SUGCT: variants seen among roughly 807,000 people sequenced by gnomAD.
The protein encoded by SUGCT is succinyl-CoA:glutarate CoA-transferase.
A neutral mutation model predicts 55.0 loss-of-function variants in SUGCT; 41 were observed. The observed-to-expected ratio is 0.74, with a 90% CI of 0.58 to 0.97. The LOEUF is 0.97. Ranked by LOEUF, SUGCT falls within the 50% of genes least tolerant of loss-of-function variation. The pLI, the probability that SUGCT is intolerant of heterozygous loss-of-function variation, is 0.00. For synonymous variants in SUGCT, 187 were observed against 200.4 expected (o/e 0.93, Z 0.56); for missense variants, 568 against 547.8 (o/e 1.04, Z -0.37).
At chr7:40,255,025 G>A (rs894056715) in intron 7 of SUGCT, among the ~76,000 whole-genome samples, 3 of 150,938 alleles carry the variant, frequency 2.0e-5, no homozygotes, top group African/African-American at 2.4e-5. Flanking sequence ...TCGGGAGTTC[G>A]AGACCAGCCT....
intron 1 of SUGCT, among the ~76,000 whole-genome samples, chr7:40,164,803 TGA>T (rs1275884510): frequency 6.6e-6 from 1 of 152,230 alleles, no homozygotes; most frequent in Non-Finnish European, 1.5e-5. Flanking sequence ...GAAGCCTCCT[TGA>T]GTCCATGAAG....
Position 40,762,373 on chromosome 7 carries a change from T to C in SUGCT, c.1153+12876T>C, listed in dbSNP as rs1225689284. 2.6e-5 allele frequency among the ~76,000 whole-genome samples: 4 copies of C among 152,158 alleles called. No homozygotes were observed. The East Asian group carries it at 7.7e-4, about 29-fold the overall frequency. ...AAGGGGTAGGTTTTAAGTAGCAAGA[T>C]GTGGGGAATTTAAGATGTATGACTA... is the stretch of plus-strand genomic sequence containing the variant. On this transcript the variant is annotated intron_variant, in intron 13 of 13. Coordinates refer to ENST00000335693, the MANE Select transcript of SUGCT (RefSeq NM_001193313.2).
At chr7:40,348,123 G>A (rs545241824) in intron 9 of SUGCT, among the ~76,000 whole-genome samples, 4 of 152,326 alleles carry the variant, frequency 2.6e-5, no homozygotes, top group East Asian at 3.9e-4. Context: ...CGGGGGTTGC[G>A]GGGAGACAGC....
chr7:40,659,069 T>C (rs1167862306), intron 12 of SUGCT, among the ~76,000 whole-genome samples: 1 of 152,158 alleles, frequency 6.6e-6, no homozygotes, highest in Non-Finnish European at 1.5e-5. Flanking sequence ...TAGTCTCTGC[T>C]TATGAATGCA....
intron 12 of SUGCT, chr7:40,499,106 C>T: frequency 8.8e-6 from 4 of 456,698 alleles, no homozygotes; most frequent in Non-Finnish European, 1.8e-5. Flanking sequence ...TGTGGGAACG[C>T]ACCACTGGCG....
chr7:40,419,620 C>T (rs775076380), intron 9 of SUGCT, among the ~76,000 whole-genome samples: 4 of 152,230 alleles, frequency 2.6e-5, no homozygotes, highest in Middle Eastern at 3.4e-3. Flanking sequence ...CGTTCAAGAG[C>T]GTGCTCATCT....
intron 9 of SUGCT, among the ~76,000 whole-genome samples, chr7:40,341,496 G>A (rs1247357418): frequency 2.0e-5 from 3 of 152,138 alleles, no homozygotes; most frequent in Non-Finnish European, 4.4e-5. Flanking sequence ...ATTTCTGCTG[G>A]GCCTCTTTAT....
chr7:40,900,298 G>A, the SUGCT span, among the ~76,000 whole-genome samples: 1 of 152,224 alleles, frequency 6.6e-6, no homozygotes, highest in Non-Finnish European at 1.5e-5. Flanking sequence ...GCATGACCAA[G>A]ATTTTGAATT....
intron 11 of SUGCT, among the ~76,000 whole-genome samples, chr7:40,471,055 C>T (rs1790377809): frequency 6.6e-6 from 1 of 152,056 alleles, no homozygotes; most frequent in East Asian, 1.9e-4. Context: ...AGGATTGGCC[C>T]TTTTTGGTGG....
At chr7:40,620,333 T>G (rs1799205473) in intron 12 of SUGCT, among the ~76,000 whole-genome samples, 1 of 152,222 alleles carries the variant, frequency 6.6e-6, no homozygotes, top group African/African-American at 2.4e-5. Context: ...CTCAAGATAT[T>G]TAGCCTCATT....
At chr7:40,480,144 G>A (rs1003700402) in intron 11 of SUGCT, among the ~76,000 whole-genome samples, 8 of 151,924 alleles carry the variant, frequency 5.3e-5, no homozygotes, top group African/African-American at 9.7e-5. Flanking sequence ...TAGTTATATC[G>A]TTTTATGTCT....
chr7:40,952,844 C>T, the SUGCT span, among the ~76,000 whole-genome samples: 1 of 152,184 alleles, frequency 6.6e-6, no homozygotes, highest in Non-Finnish European at 1.5e-5. Context: ...ATGGGCTTCC[C>T]TTTGTGGGTA....
chr7:40,696,819 C>T (rs191620002), intron 12 of SUGCT, among the ~76,000 whole-genome samples: 272 of 152,132 alleles, frequency 1.8e-3, no homozygotes, highest in South Asian at 1.0e-2. Context: ...ATAATTAACA[C>T]GAGAGATTTC....
At chr7:40,693,875 A>G (rs1182974004) in intron 12 of SUGCT, among the ~76,000 whole-genome samples, 4 of 152,198 alleles carry the variant, frequency 2.6e-5, no homozygotes, top group Non-Finnish European at 5.9e-5. Flanking sequence ...TCAATCACTA[A>G]TTTAAAACAA....
chr7:40,218,910 GCC>G (rs1787844493), intron 6 of SUGCT, among the ~76,000 whole-genome samples: 5 of 152,164 alleles, frequency 3.3e-5, no homozygotes, highest in Admixed American at 3.3e-4. Context: ...ATAAAAGCTG[GCC>G]ACCCGAGCCA....
chr7:40,782,570 T>A (rs1332728381), intron 13 of SUGCT: 1 of 152,182 alleles, frequency 6.6e-6, no homozygotes, highest in Non-Finnish European at 1.5e-5. Flanking sequence ...CACATTTAGG[T>A]CATTGTCTTT....
chr7:40,258,311 T>C (rs973320113), intron 7 of SUGCT, among the ~76,000 whole-genome samples: 6 of 152,218 alleles, frequency 3.9e-5, no homozygotes, highest in Non-Finnish European at 1.5e-5. Context: ...CGTTCTGTCA[T>C]TTGGTGTAAC....
At chr7:40,179,347 G>T (rs570108615) in intron 1 of SUGCT, among the ~76,000 whole-genome samples, 1 of 151,726 alleles carries the variant, frequency 6.6e-6, no homozygotes, top group East Asian at 1.9e-4. Flanking sequence ...AGGCTGGAGT[G>T]CAATGGCGCC....
Position 40,454,944 on chromosome 7 carries a change from A to G in SUGCT, c.889-4157A>G, listed in dbSNP as rs1583720814. On this transcript the variant is annotated intron_variant, in intron 10 of 13. Transcript: ENST00000335693. ...TGAAGGAAAAGTAACGTAAATAGTA[A>G]ATATCTGGGTGAATATAATGGTCTA... is the stretch of plus-strand genomic sequence containing the variant. Among the ~76,000 whole-genome samples the G allele has an allele frequency of 3.3e-5, 5 of 152,288 alleles. No individual in the cohort carries two copies. The South Asian group carries it at 6.2e-4, about 19-fold the overall frequency.
Sources: allele counts gnomAD v4.1 joint callset (sites outside exome capture counted in the v4.1 genomes callset), GRCh38; gene constraint gnomAD v4.1.1; transcripts MANE v1.5; gene names NCBI Gene and HGNC (gene_info 2026-07-23, HGNC 2026-07-21).